Variants in STK11IP observed in about 807,000 individuals in gnomAD.
STK11IP encodes serine/threonine kinase 11 interacting protein, also known as serine/threonine-protein kinase 11-interacting protein.
In STK11IP, 103 loss-of-function variants were observed where a neutral mutation model predicts 131.7. The ratio of observed to expected loss-of-function variants is 0.78; its 90% CI spans 0.67 to 0.92. STK11IP has a LOEUF of 0.92. STK11IP is among the 40% of genes least tolerant of loss of function. The probability of loss-of-function intolerance (pLI) is 0.00; values close to 1 mark genes in which losing one functional copy is unlikely to be tolerated. For missense variants in STK11IP, 1,315 were observed against 1,385.7 expected (o/e 0.95, Z 0.81); for synonymous variants, 557 against 575.6 (o/e 0.97, Z 0.46).
Position 219,614,526 on chromosome 2 carries a change from T to C in STK11IP, c.2849T>C (p.Leu950Pro). 1 of 1,613,846 alleles carries C rather than the reference T, an allele frequency of 6.2e-7. No homozygotes were observed. The highest frequency in any genetic ancestry group is 1.1e-5 in the South Asian group (1 of 91,088). Residue 950 changes from leucine (L) to proline (P), a missense_variant, in exon 23 of 25, where the codon CTT becomes CCT. By Grantham distance (98) the Leu-to-Pro change is moderately conservative. Transcript: ENST00000456909. ...TTGGAGGCTCGCCAGTTCTTCTACCTTCGGGCGTTCCTGGTTGAAGGTGAA... is the reference window on the plus strand; with the variant it reads ...TTGGAGGCTCGCCAGTTCTTCTACCCTCGGGCGTTCCTGGTTGAAGGTGAA... ...SSLEARQFFY[L>P]RAFLVEGPST...
At position 219,602,491 on chromosome 2, in the gene STK11IP, C is replaced by T. The variant is rs771114028; in HGVS notation, c.462C>T (p.Gly154=). The part of the protein sequence containing the change: ...ALEELLSACG[G]DFCSALPWLA... ...AGGAGCTCCTCTCAGCCTGCGGCGG[C>T]GACTTCTGCTCTGCCCTCCCTTGGC... Residue 154 remains glycine (G), a synonymous_variant, in exon 6 of 25, where the codon GGC becomes GGT. Transcript: ENST00000456909. 34 of 1,613,758 alleles carry T rather than the reference C, an allele frequency of 2.1e-5. No individual in the cohort carries two copies. Among genetic ancestry groups the T allele is most frequent in the East Asian group, 2.0e-4 (9 of 44,892 alleles).
chr2:219,604,435 A>G (rs1302308014), intron 7 of STK11IP, among the ~76,000 whole-genome samples: 2 of 152,204 alleles, frequency 1.3e-5, no homozygotes, highest in Admixed American at 1.3e-4. Flanking sequence ...TTTCCCCTGA[A>G]CAATATAAAT....
At chr2:219,609,688 G>C (rs1031333887) in intron 17 of STK11IP, 148 bp downstream of exon 17, 1 of 862,766 alleles carries the variant, frequency 1.2e-6, no homozygotes, top group Admixed American at 2.6e-5. Context: ...AAAGAAAACC[G>C]TCTGCCTGCT....
intron 2 of STK11IP, among the ~76,000 whole-genome samples, chr2:219,600,041 GTTTTTTTTTTTGTTTTTGTTT>G (rs1697930677): frequency 4.4e-5 from 4 of 91,932 alleles, no homozygotes; most frequent in African/African-American, 1.6e-4. Flanking sequence ...TGCCCTTTGT[GTTTTTTTTTTTGTTTTTGTTT>G]TTTTTTTTTT....
chr2:219,610,678 C>T (rs770599954), intron 17 of STK11IP, among the ~76,000 whole-genome samples: 9 of 152,288 alleles, frequency 5.9e-5, no homozygotes, highest in African/African-American at 7.2e-5. Context: ...GGATTACAGG[C>T]GTGAGCCACC....
At chr2:219,615,685 C>G (rs534005251) in intron 24 of STK11IP, 1 of 637,968 alleles carries the variant, frequency 1.6e-6, no homozygotes, top group Non-Finnish European at 3.0e-6. Flanking sequence ...TGAGGAGATA[C>G]GGTTACTGGT....
Position 219,607,090 on chromosome 2 carries a change from C to T in STK11IP, c.1172C>T (p.Pro391Leu), listed in dbSNP as rs1698193739. The T allele has an allele frequency of 6.2e-7, 1 of 1,613,782 alleles. No individual in the cohort carries two copies. The highest frequency in any genetic ancestry group is 8.5e-7 in the Non-Finnish European group (1 of 1,179,906). ...VRVRRASISE[P>L]SDTDPEPRTL... ...GTGAGGCGGGCAAGCATCTCTGAACCCAGTGATACGGACCCGGAGCCCCGA... is the reference window on the plus strand; with the variant it reads ...GTGAGGCGGGCAAGCATCTCTGAACTCAGTGATACGGACCCGGAGCCCCGA... The change falls in exon 13 of 25, where the codon CCC becomes CTC. Residue 391 changes from proline to leucine, a missense_variant. Pro to Leu is a moderately conservative substitution (Grantham distance 98). Transcript: ENST00000456909.
chr2:219,608,502 C>A (rs903204909), intron 14 of STK11IP, 72 bp downstream of exon 14: 2 of 1,531,356 alleles, frequency 1.3e-6, no homozygotes, highest in East Asian at 4.6e-5. Context: ...TGGGGCCTGG[C>A]GGGTGGAGGG....
intron 13 of STK11IP, among the ~76,000 whole-genome samples, 198 bp from the exon 14 acceptor site, chr2:219,607,849 C>T (rs1209413556): frequency 6.6e-6 from 1 of 152,104 alleles, no homozygotes; most frequent in East Asian, 1.9e-4. Flanking sequence ...ATAGGATGCG[C>T]AGCTTGGATT....
chr2:219,599,645 A>G (rs1341494281), intron 2 of STK11IP, among the ~76,000 whole-genome samples: 2 of 152,208 alleles, frequency 1.3e-5, no homozygotes, highest in Admixed American at 6.5e-5. Flanking sequence ...GTGGCAGCAG[A>G]ATAGTTTTGT....
chr2:219,600,661 A>C (rs1384720911), intron 2 of STK11IP, among the ~76,000 whole-genome samples: 1 of 152,248 alleles, frequency 6.6e-6, no homozygotes, highest in Non-Finnish European at 1.5e-5. Flanking sequence ...TTTAACAGAC[A>C]GCAATAACAA....
intron 7 of STK11IP, among the ~76,000 whole-genome samples, chr2:219,604,415 G>GAC (rs1207200529): frequency 6.6e-6 from 1 of 152,130 alleles, no homozygotes; most frequent in African/African-American, 2.4e-5. Flanking sequence ...GGAAAGAAGA[G>GAC]ACACTCCTCT....
chr2:219,598,128 C>T lies in STK11IP; in HGVS notation c.9C>T (p.Thr3=), dbSNP rs765018136. MT[T]AQRDSLLWKL... is the part of the protein sequence containing the mutation. ...CCCAGCGTCCCGTGGCCATGACGAC[C>T]GCTCAGAGGGACTCCCTGTTGTGGA... The change falls in exon 2 of 25, where the codon ACC becomes ACT. Residue 3 remains threonine (T), a synonymous_variant. Coordinates refer to ENST00000456909, the MANE Select transcript of STK11IP (RefSeq NM_052902.4). 6 of 1,592,152 alleles carry T rather than the reference C, an allele frequency of 3.8e-6. No homozygotes were observed. Among genetic ancestry groups the T allele is most frequent in the Non-Finnish European group, 5.1e-6 (6 of 1,169,784 alleles).
chr2:219,606,124 G>T, intron 9 of STK11IP, 65 bp downstream of exon 9: 1 of 1,544,708 alleles, frequency 6.5e-7, no homozygotes, highest in Non-Finnish European at 8.8e-7. Context: ...TGCTGGTTTG[G>T]TCAGTGCCTT....
At chr2:219,606,141 AC>A in intron 9 of STK11IP, 53 bp from the exon 10 acceptor site, 5 of 1,543,510 alleles carry the variant, frequency 3.2e-6, no homozygotes, top group Non-Finnish European at 4.4e-6. Context: ...CCTTCTTCAC[AC>A]AGGGAGGGCC....
Position 219,608,615 on chromosome 2 carries a change from C to T in STK11IP, c.1636C>T (p.Leu546=), listed in dbSNP as rs761890593. ...ELCRPLLVCP[L]EGPEGVRGRE... ...CTGTCGCCCCTTGTTGGTGTGTCCC[C>T]TGGAGGGGCCTGAGGGCGTACGGGG... Residue 546 remains leucine, a synonymous_variant, in exon 15 of 25, where the codon CTG becomes TTG. Transcript: ENST00000456909. The T allele has an allele frequency of 1.7e-5, 28 of 1,609,650 alleles. No homozygotes were observed. In the Admixed American group the frequency reaches 4.2e-4, roughly 24 times the overall value.
At chr2:219,603,742 G>C (rs1479120746) in intron 7 of STK11IP, among the ~76,000 whole-genome samples, 2 of 151,744 alleles carry the variant, frequency 1.3e-5, no homozygotes, top group African/African-American at 4.8e-5. Context: ...GGCTGGTCTT[G>C]AACTCCTGAC....
chr2:219,604,199 G>T (rs1255231536), intron 7 of STK11IP, among the ~76,000 whole-genome samples: 2 of 152,186 alleles, frequency 1.3e-5, no homozygotes, highest in Admixed American at 6.5e-5. Context: ...ATGCATCCTT[G>T]AGATATTAGA....
chr2:219,607,184 A>G (rs1206919330), intron 13 of STK11IP, 47 bp downstream of exon 13: 5 of 1,577,842 alleles, frequency 3.2e-6, no homozygotes, highest in Non-Finnish European at 4.3e-6. Context: ...CAGCGAGCTC[A>G]CTCTAATTTT....
Sources: allele counts gnomAD v4.1 joint callset (sites outside exome capture counted in the v4.1 genomes callset), GRCh38; gene constraint gnomAD v4.1.1; transcripts MANE v1.5; gene names NCBI Gene and HGNC (gene_info 2026-07-23, HGNC 2026-07-21).